COL4A2: variants seen among roughly 807,000 people sequenced by gnomAD.
COL4A2 encodes collagen alpha-2(IV) chain.
In COL4A2, 99 loss-of-function variants were observed where a neutral mutation model predicts 200.2. The ratio of observed to expected loss-of-function variants is 0.49; its 90% CI spans 0.42 to 0.58. COL4A2 has a LOEUF of 0.58. COL4A2 is among the 20% of genes least tolerant of loss of function. The probability of loss-of-function intolerance (pLI) is 0.00; values close to 1 mark genes in which losing one functional copy is unlikely to be tolerated. For synonymous variants in COL4A2, 897 were observed against 900.6 expected (o/e 1.00, Z 0.07); for missense variants, 1,950 against 2,314.1 (o/e 0.84, Z 3.23).
chr13:110,311,768 C>T (rs1469994906), intron 3 of COL4A2, among the ~76,000 whole-genome samples: 2 of 152,210 alleles, frequency 1.3e-5, no homozygotes, highest in Non-Finnish European at 2.9e-5. Flanking sequence ...AAATATGCAG[C>T]CGGCTGGGTG....
In COL4A2 at chr13:110,478,059, C is replaced by A. The variant is rs2139519148; in HGVS notation, c.2482C>A (p.Pro828Thr). 6.2e-7 allele frequency: 1 copy of A among 1,605,386 alleles called. No individual in the cohort carries two copies. Among genetic ancestry groups the A allele is most frequent in the East Asian group, 2.2e-5 (1 of 44,578 alleles). The change falls in exon 30 of 48, where the codon CCT becomes ACT. Residue 828 changes from proline to threonine, a missense_variant. This residue lies in a region of COL4A2 where 1,385 missense variants were observed against 1,720.5 expected (regional missense o/e 0.80). Coordinates refer to ENST00000360467, the MANE Select transcript of COL4A2 (RefSeq NM_001846.4). ...GLKGQPGLPG[P>T]SGQPGLYGPP... ...GAAGGGCCAGCCAGGCCTCCCAGGA[C>A]CTTCCGGCCAGCCAGGCCTGTATGG...
At position 110,438,128 on chromosome 13, in the gene COL4A2, G is replaced by A. The variant is rs1594213821; in HGVS notation, c.861+91G>A. Reference sequence around the variant, plus strand: ...TGACGGGGTGCACCATGCGCTCGGGGCCCGCACACCGCCAGTCTCTCATCC... The same window carrying A: ...TGACGGGGTGCACCATGCGCTCGGGACCCGCACACCGCCAGTCTCTCATCC... On this transcript the variant is annotated intron_variant, in intron 14 of 47. Transcript: ENST00000360467. 5 of 980,756 alleles carry A rather than the reference G, an allele frequency of 5.1e-6. No homozygotes were observed. The East Asian group carries it at 1.2e-4, about 24-fold the overall frequency. The allele number at this position is 980,756 out of a possible 1,614,324, so 60.8% of individuals were successfully genotyped here.
chr13:110,463,981 G>A (rs1882133739), intron 24 of COL4A2, among the ~76,000 whole-genome samples: 1 of 152,210 alleles, frequency 6.6e-6, no homozygotes, highest in African/African-American at 2.4e-5. Flanking sequence ...AGAAGAGGAG[G>A]ATGAGTGATG....
At chr13:110,469,928 TTA>T (rs1882400732) in intron 28 of COL4A2, among the ~76,000 whole-genome samples, 1 of 149,120 alleles carries the variant, frequency 6.7e-6, no homozygotes, top group Non-Finnish European at 1.5e-5. Context: ...TTTTTTTTTT[TTA>T]ATGAAATGGA....
chr13:110,396,674 C>A (rs958723130), intron 4 of COL4A2, among the ~76,000 whole-genome samples: 4 of 152,268 alleles, frequency 2.6e-5, no homozygotes, highest in African/African-American at 9.6e-5. Context: ...CGTCATTAAA[C>A]CCCATGGCAG....
Position 110,470,196 on chromosome 13 carries a change from G to A in COL4A2, c.2203+872G>A, listed in dbSNP as rs150106425. Among the ~76,000 whole-genome samples the A allele has an allele frequency of 3.7e-4, 57 of 152,244 alleles. No homozygotes were observed. The East Asian group carries it at 0.01, about 27-fold the overall frequency. On this transcript the variant is annotated intron_variant, in intron 28 of 47. Transcript: ENST00000360467. The stretch of plus-strand genomic sequence containing the variant: ...CTGCCAAAGTGCTGGGATGACAGGC[G>A]TGAGCCACTGTGCCAGGCCGCACAC...
chr13:110,391,085 G>A (rs996164265), intron 4 of COL4A2, among the ~76,000 whole-genome samples: 2 of 152,126 alleles, frequency 1.3e-5, no homozygotes, highest in South Asian at 2.1e-4. Flanking sequence ...GAAAAAATGC[G>A]TTTATTTTTA....
intron 4 of COL4A2, among the ~76,000 whole-genome samples, chr13:110,418,732 CAG>C (rs1880137332): frequency 6.7e-6 from 1 of 149,788 alleles, no homozygotes; most frequent in African/African-American, 2.4e-5. Flanking sequence ...AATAAGGAGA[CAG>C]AGATAGAAAG....
chr13:110,433,739 A>G (rs1343029599), intron 11 of COL4A2, among the ~76,000 whole-genome samples: 4 of 152,160 alleles, frequency 2.6e-5, no homozygotes, highest in Non-Finnish European at 5.9e-5. Flanking sequence ...GATGTGCACA[A>G]ATTTGTCATC....
chr13:110,322,297 C>T (rs1885296178), intron 3 of COL4A2, among the ~76,000 whole-genome samples: 1 of 152,152 alleles, frequency 6.6e-6, no homozygotes, highest in Admixed American at 6.5e-5. Context: ...TAAACGTTCA[C>T]CACTCTCCCG....
At chr13:110,460,561 A>G (rs932712485) in intron 22 of COL4A2, among the ~76,000 whole-genome samples, 1 of 152,182 alleles carries the variant, frequency 6.6e-6, no homozygotes, top group African/African-American at 2.4e-5. Context: ...TGCCCCTGAA[A>G]TGTCTAAAAC....
rs530293746 is a variant in COL4A2 at position 110,312,210 on chromosome 13, G to A, written c.99+4087G>A. Among the ~76,000 whole-genome samples, 5 of 152,254 alleles carry A rather than the reference G, an allele frequency of 3.3e-5. No homozygotes were observed. The South Asian group carries it at 8.3e-4, about 25-fold the overall frequency. On this transcript the variant is annotated intron_variant, in intron 3 of 47. Transcript: ENST00000360467. ...GGAGGCTGTTAAAGTCTTCCTCCAT[G>A]GGTGGCTTGTAGGACTTGGCCACGA...
chr13:110,409,501 C>A (rs528562991), intron 4 of COL4A2, among the ~76,000 whole-genome samples: 1 of 152,248 alleles, frequency 6.6e-6, no homozygotes, highest in Non-Finnish European at 1.5e-5. Flanking sequence ...GGAAGCGTAT[C>A]GGGAGCAGCA....
intron 40 of COL4A2, among the ~76,000 whole-genome samples, chr13:110,500,156 T>C (rs1166026488): frequency 6.6e-6 from 1 of 152,170 alleles, no homozygotes. Context: ...AAAGGGAAAA[T>C]CTCTTCCTGC....
chr13:110,335,971 G>C (rs368868866), intron 3 of COL4A2, among the ~76,000 whole-genome samples: 2 of 152,336 alleles, frequency 1.3e-5, no homozygotes, highest in East Asian at 3.9e-4. Context: ...GTGGGCTTCT[G>C]TTGGCAATGT....
chr13:110,506,698 CCA>C, intron 46 of COL4A2, 92 bp downstream of exon 46: 1 of 1,331,376 alleles, frequency 7.5e-7, no homozygotes, highest in Non-Finnish European at 1.0e-6. Flanking sequence ...CCCAAACCCT[CCA>C]CGGCTGGTAA....
rs1157922922 is a variant in COL4A2 at position 110,491,217 on chromosome 13, A to G, written c.3347-16A>G. ...GCGGTGTCTGTTTGTTCCAAGCAGC[A>G]TGTCTGTGGTTGCAGGTCTGAAGGG... is the stretch of plus-strand genomic sequence containing the variant. On this transcript the variant is annotated splice_polypyrimidine_tract_variant and intron_variant, in intron 36 of 47. Coordinates refer to ENST00000360467, the MANE Select transcript of COL4A2 (RefSeq NM_001846.4). 3 of 1,564,898 alleles carry G rather than the reference A, an allele frequency of 1.9e-6. No individual in the cohort carries two copies. Among genetic ancestry groups the G allele is most frequent in the East Asian group, 2.3e-5 (1 of 43,058 alleles).
chr13:110,467,339 T>C (rs1197347812), intron 27 of COL4A2, among the ~76,000 whole-genome samples: 4 of 152,240 alleles, frequency 2.6e-5, no homozygotes, highest in Non-Finnish European at 5.9e-5. Flanking sequence ...AATTCAGCCA[T>C]GGCTGCAGGG....
At position 110,508,770 on chromosome 13, in the gene COL4A2, C is replaced by T. The variant is rs949445769; in HGVS notation, c.4881+549C>T. Among the ~76,000 whole-genome samples the T allele has an allele frequency of 5.9e-5, 9 of 152,104 alleles. No homozygotes were observed. Among genetic ancestry groups the T allele is most frequent in the African/African-American group, 1.9e-4 (8 of 41,418 alleles). ...GCACAACCAGGACCTGGGAAGGCAC[C>T]GCCCACCCTTCCGGATCGCCTTTGG... On this transcript the variant is annotated intron_variant, in intron 47 of 47. Coordinates refer to ENST00000360467, the MANE Select transcript of COL4A2 (RefSeq NM_001846.4). The surrounding 1 kb of genome is among the most constrained non-coding windows in gnomAD (Gnocchi z 6.1).
Sources: allele counts gnomAD v4.1 joint callset (sites outside exome capture counted in the v4.1 genomes callset), GRCh38; gene constraint gnomAD v4.1.1; regional missense constraint gnomAD v4.1.1; non-coding constraint Gnocchi (gnomAD v3.1); transcripts MANE v1.5; gene names NCBI Gene and HGNC (gene_info 2026-07-23, HGNC 2026-07-21).